XKR4: variants seen among roughly 807,000 people sequenced by gnomAD.
The protein encoded by XKR4 is XK-related protein 4.
XKR4 carries 12 observed loss-of-function variants against 53.9 expected under a neutral mutation model. The ratio of observed to expected loss-of-function variants is 0.22; its 90% CI spans 0.14 to 0.36. XKR4 has a LOEUF of 0.36. XKR4 is among the 10% of genes least tolerant of loss of function. XKR4 has a pLI of 1.00. For synonymous variants in XKR4, 354 were observed against 362.4 expected, an observed-to-expected ratio of 0.98 and a Z score of 0.26; for missense variants, 799 against 859.5, an observed-to-expected ratio of 0.93 and a Z score of 0.88.
chr8:55,489,598 TA>T (rs35098167), intron 2 of XKR4, among the ~76,000 whole-genome samples: 375 of 151,002 alleles, frequency 2.5e-3, no homozygotes, highest in Non-Finnish European at 3.0e-3. Flanking sequence ...TTTTGTTATT[TA>T]AAAAAAAAGG....
intron 2 of XKR4, among the ~76,000 whole-genome samples, chr8:55,441,169 G>T (rs1376892314): frequency 6.6e-6 from 1 of 152,110 alleles, no homozygotes; most frequent in African/African-American, 2.4e-5. Context: ...AAGCTTGGGA[G>T]GTTGAGGATG....
intron 2 of XKR4, chr8:55,452,656 T>C: frequency 7.0e-7 from 1 of 1,430,916 alleles, no homozygotes; most frequent in Non-Finnish European, 9.8e-7. Flanking sequence ...AGGTGGTCAC[T>C]GGTGACCCCA....
intron 2 of XKR4, among the ~76,000 whole-genome samples, chr8:55,443,865 A>G (rs1320811823): frequency 3.3e-5 from 5 of 150,022 alleles, no homozygotes; most frequent in African/African-American, 1.2e-4. Context: ...GAAAGAAAAG[A>G]AAAAAAAAGA....
chr8:55,362,571 A>C (rs1404972809), intron 2 of XKR4, among the ~76,000 whole-genome samples: 1 of 152,206 alleles, frequency 6.6e-6, no homozygotes, highest in Non-Finnish European at 1.5e-5. Context: ...AAGACAGCTT[A>C]AGATAAGTCA....
intron 1 of XKR4, among the ~76,000 whole-genome samples, chr8:55,193,956 CT>C (rs1223139652): frequency 2.0e-5 from 3 of 152,196 alleles, no homozygotes. Context: ...CTTCACTGGC[CT>C]TGTTTTCCTG....
chr8:55,520,446 C>T (rs985127675), intron 2 of XKR4, among the ~76,000 whole-genome samples: 2 of 152,114 alleles, frequency 1.3e-5, no homozygotes, highest in Non-Finnish European at 2.9e-5. Context: ...CTTAGCCAGG[C>T]GTGGTGGCAC....
chr8:55,490,221 C>A (rs912492730), intron 2 of XKR4, among the ~76,000 whole-genome samples: 2 of 152,058 alleles, frequency 1.3e-5, no homozygotes, highest in East Asian at 1.9e-4. Context: ...GGTACCTATA[C>A]CCATGGAATA....
intron 2 of XKR4, among the ~76,000 whole-genome samples, chr8:55,482,805 A>G (rs1390907999): frequency 1.3e-5 from 2 of 152,152 alleles, no homozygotes; most frequent in Non-Finnish European, 2.9e-5. Flanking sequence ...GATTTCCAAA[A>G]CAGAATTTTT....
intron 1 of XKR4, among the ~76,000 whole-genome samples, chr8:55,344,409 T>C (rs1803604841): frequency 6.6e-6 from 1 of 151,840 alleles, no homozygotes; most frequent in South Asian, 2.1e-4. Context: ...CGATCACTGC[T>C]TCCTGAGTTG....
chr8:55,157,074 A>G (rs552249352), intron 1 of XKR4, among the ~76,000 whole-genome samples: 2 of 152,258 alleles, frequency 1.3e-5, no homozygotes, highest in Non-Finnish European at 2.9e-5. Flanking sequence ...AGCTTCTATA[A>G]CAACTTTCCA....
At chr8:55,485,998 T>C (rs1806185046) in intron 2 of XKR4, among the ~76,000 whole-genome samples, 2 of 152,184 alleles carry the variant, frequency 1.3e-5, no homozygotes, top group Non-Finnish European at 2.9e-5. Flanking sequence ...ACATAAAACA[T>C]GAAAGAATAC....
chr8:55,401,158 T>C (rs887308028), intron 2 of XKR4, among the ~76,000 whole-genome samples: 1 of 152,194 alleles, frequency 6.6e-6, no homozygotes, highest in Non-Finnish European at 1.5e-5. Flanking sequence ...ACTTTGGAAC[T>C]GCAGACATTG....
At position 55,532,458 on chromosome 8, in the gene XKR4, C is replaced by T. The variant is rs1806966799; in HGVS notation, c.*8231C>T. ...GCACAGTACTGACACAAAATTTTCTCTTGTGCTAGTAATTGAAGTATGTCA... is the reference window on the plus strand; with the variant it reads ...GCACAGTACTGACACAAAATTTTCTTTTGTGCTAGTAATTGAAGTATGTCA... On this transcript the variant is annotated 3_prime_UTR_variant, in exon 3 of 3. Transcript: ENST00000327381. 1 of 152,150 alleles carries T rather than the reference C, an allele frequency of 6.6e-6. No homozygotes were observed. Among genetic ancestry groups the T allele is most frequent in the African/African-American group, 2.4e-5 (1 of 41,434 alleles). The allele number at this position is 152,150 out of a possible 1,614,324, so 9.4% of individuals were successfully genotyped here.
rs746088833 is a variant in XKR4 at position 55,504,275 on chromosome 8, C to A, written c.1007-19006C>A. Among the ~76,000 whole-genome samples, 152 of 151,748 alleles carry A rather than the reference C, an allele frequency of 1.0e-3. 1 individual carries two copies. Among genetic ancestry groups the A allele is most frequent in the Non-Finnish European group, 1.7e-3 (115 of 67,982 alleles). On this transcript the variant is annotated intron_variant, in intron 2 of 2. Transcript: ENST00000327381. The stretch of plus-strand genomic sequence containing the variant: ...TCGCCCAGGCTGGAGTGCAGTGATG[C>A]GATCTCAGCTCACTGCAACCTCCAC...
At chr8:55,388,519 T>C (rs935456525) in intron 2 of XKR4, among the ~76,000 whole-genome samples, 10 of 152,200 alleles carry the variant, frequency 6.6e-5, no homozygotes, top group Non-Finnish European at 1.3e-4. Flanking sequence ...ATGGTGAGGC[T>C]GGTTCCTCAT....
chr8:55,424,079 G>C (rs1310705166), intron 2 of XKR4, among the ~76,000 whole-genome samples: 1 of 152,186 alleles, frequency 6.6e-6, no homozygotes, highest in Non-Finnish European at 1.5e-5. Flanking sequence ...TTATCTGTAG[G>C]AGCACATGCA....
intron 1 of XKR4, among the ~76,000 whole-genome samples, chr8:55,129,267 GA>G (rs1181950515): frequency 1.2e-4 from 19 of 152,248 alleles, no homozygotes; most frequent in African/African-American, 4.6e-4. Flanking sequence ...AATTTTCTAA[GA>G]CAAAGAAATA....
chr8:55,164,072 C>T (rs1005642708), intron 1 of XKR4: 2 of 392,028 alleles, frequency 5.1e-6, no homozygotes, highest in African/African-American at 2.1e-5. Flanking sequence ...CTCCTTTGCC[C>T]TTATCTGTGA....
intron 1 of XKR4, among the ~76,000 whole-genome samples, chr8:55,169,052 T>G (rs1020809663): frequency 2.6e-5 from 4 of 152,212 alleles, no homozygotes; most frequent in African/African-American, 9.7e-5. Context: ...CTGGTCCAAT[T>G]TTTATCTTTC....
Sources: gnomAD v4.1 joint callset for allele counts (sites outside exome capture counted in the v4.1 genomes callset) on GRCh38, gnomAD v4.1.1 for gene constraint, MANE v1.5 for transcripts, NCBI Gene and HGNC (gene_info 2026-07-23, HGNC 2026-07-21) for gene names.